The following UNC13C variants were observed in gnomAD, a reference collection of about 807,000 sequenced individuals.
UNC13C encodes protein unc-13 homolog C.
A neutral mutation model predicts 245.4 loss-of-function variants in UNC13C; 174 were observed. That is an observed-to-expected ratio of 0.71 (90% CI 0.63 to 0.80). The LOEUF is 0.80. UNC13C is among the 30% of genes least tolerant of loss of function. UNC13C has a pLI of 0.00. For missense variants in UNC13C, 2,829 were observed against 2,602.9 expected (o/e 1.09, Z -1.89); for synonymous variants, 992 against 895.1 (o/e 1.11, Z -1.93).
At chr15:54,470,176 G>A (rs1892385458) in intron 19 of UNC13C, among the ~76,000 whole-genome samples, 1 of 151,452 alleles carries the variant, frequency 6.6e-6, no homozygotes, top group Non-Finnish European at 1.5e-5. Flanking sequence ...TTTAGTTGAG[G>A]ATTTTTGCCC....
chr15:54,335,290 A>T (rs778887538), intron 16 of UNC13C, among the ~76,000 whole-genome samples: 1 of 152,224 alleles, frequency 6.6e-6, no homozygotes, highest in South Asian at 2.1e-4. Flanking sequence ...TTCTATAGCT[A>T]CTACCCCAGT....
intron 4 of UNC13C, among the ~76,000 whole-genome samples, chr15:54,174,223 A>G (rs539503229): frequency 6.6e-6 from 1 of 152,314 alleles, no homozygotes; most frequent in East Asian, 1.9e-4. Flanking sequence ...CATTAAATAA[A>G]TAAAGAGGTA....
At chr15:53,849,321 A>G in the UNC13C span, among the ~76,000 whole-genome samples, 1 of 152,014 alleles carries the variant, frequency 6.6e-6, no homozygotes, top group East Asian at 1.9e-4. Context: ...AGCAATTTTT[A>G]TAATTACATT....
chr15:54,294,113 A>T, intron 11 of UNC13C, 49 bp downstream of exon 11: 2 of 1,441,516 alleles, frequency 1.4e-6, no homozygotes, highest in Non-Finnish European at 1.8e-6. Context: ...AAAACCCCTG[A>T]ATACCTGTGG....
chr15:54,382,150 G>A (rs2039739269), intron 17 of UNC13C, among the ~76,000 whole-genome samples: 2 of 152,228 alleles, frequency 1.3e-5, no homozygotes, highest in African/African-American at 4.8e-5. Context: ...ATGACCATTG[G>A]ATCAATAGGA....
At chr15:54,251,847 C>T (rs890742277) in intron 8 of UNC13C, among the ~76,000 whole-genome samples, 6 of 152,202 alleles carry the variant, frequency 3.9e-5, no homozygotes, top group South Asian at 2.1e-4. Flanking sequence ...GTTGTAGTCA[C>T]GATCACATAC....
At chr15:54,379,188 C>T (rs2039669267) in intron 17 of UNC13C, among the ~76,000 whole-genome samples, 1 of 151,918 alleles carries the variant, frequency 6.6e-6, no homozygotes, top group South Asian at 2.1e-4. Context: ...CCCTTAGTAA[C>T]TATTAATTTT....
chr15:54,474,740 C>A (rs948948794), intron 19 of UNC13C, among the ~76,000 whole-genome samples: 1 of 151,814 alleles, frequency 6.6e-6, no homozygotes, highest in African/African-American at 2.4e-5. Flanking sequence ...ATACCTGAGG[C>A]TGGGTAATTT....
intron 2 of UNC13C, chr15:54,048,560 A>G: frequency 2.1e-6 from 1 of 482,940 alleles, no homozygotes; most frequent in South Asian, 1.9e-5. Context: ...GACTTTTTAT[A>G]GAATTGATGT....
intron 2 of UNC13C, among the ~76,000 whole-genome samples, chr15:54,112,029 A>G (rs1900803501): frequency 2.0e-5 from 3 of 152,220 alleles, no homozygotes; most frequent in African/African-American, 7.2e-5. Flanking sequence ...ACTGTGTGAT[A>G]TAAAGCCTTC....
intron 18 of UNC13C, among the ~76,000 whole-genome samples, chr15:54,400,262 A>AT (rs1036904656): frequency 2.6e-5 from 4 of 151,692 alleles, no homozygotes; most frequent in Non-Finnish European, 5.9e-5. Flanking sequence ...TTTAAAGAAG[A>AT]TTTTTTTTAC....
At chr15:54,073,216 CT>C (rs1264163968) in intron 2 of UNC13C, among the ~76,000 whole-genome samples, 2 of 152,074 alleles carry the variant, frequency 1.3e-5, no homozygotes, top group Non-Finnish European at 2.9e-5. Context: ...TGAACCCATC[CT>C]TTTTTATGTC....
intron 2 of UNC13C, among the ~76,000 whole-genome samples, chr15:54,066,338 C>CT (rs574114581): frequency 2.2e-3 from 331 of 152,290 alleles, no homozygotes; most frequent in African/African-American, 7.7e-3. Flanking sequence ...TGAGTAATTT[C>CT]TCTGGTGAAC....
intron 2 of UNC13C, among the ~76,000 whole-genome samples, chr15:54,058,199 A>G (rs560838274): frequency 6.6e-6 from 1 of 152,170 alleles, no homozygotes; most frequent in Non-Finnish European, 1.5e-5. Flanking sequence ...GATCAACAAA[A>G]CTGATAGACA....
At position 54,087,403 on chromosome 15, in the gene UNC13C, C is replaced by A. The variant is rs577964067; in HGVS notation, c.2984-55615C>A. Among the ~76,000 whole-genome samples, 168 of 152,248 alleles carry A rather than the reference C, an allele frequency of 1.1e-3. 1 individual carries two copies. The highest frequency in any genetic ancestry group is 4.0e-3 in the African/African-American group (165 of 41,562). On this transcript the variant is annotated intron_variant, in intron 2 of 32. Coordinates refer to ENST00000260323, the MANE Select transcript of UNC13C (RefSeq NM_001080534.3). ...AGGACAGCTCTGCATTTTTGCAAAA[C>A]CTAACTACTGAGAAAGTTCTTTTCT... is the stretch of plus-strand genomic sequence containing the variant.
In UNC13C at chr15:54,244,269, G is replaced by T. The variant is rs7171810; in HGVS notation, c.3229-5956G>T. On this transcript the variant is annotated intron_variant, in intron 7 of 32. Coordinates refer to ENST00000260323, the MANE Select transcript of UNC13C (RefSeq NM_001080534.3). Reference sequence around the variant, plus strand: ...TCATTGCCTGTTTTTGTCAGGTTTTGTCAGATGGTTGAAGGTGCATGGTCT... The same window carrying T: ...TCATTGCCTGTTTTTGTCAGGTTTTTTCAGATGGTTGAAGGTGCATGGTCT... Among the ~76,000 whole-genome samples the T allele has an allele frequency of 8.9e-3, 1,347 of 151,630 alleles. 29 individuals are homozygous for T. Among genetic ancestry groups the T allele is most frequent in the African/African-American group, 0.031 (1,273 of 41,464 alleles).
intron 10 of UNC13C, among the ~76,000 whole-genome samples, chr15:54,285,741 T>C (rs1255634625): frequency 6.6e-6 from 1 of 152,090 alleles, no homozygotes; most frequent in Non-Finnish European, 1.5e-5. Context: ...ATATAAATAA[T>C]AAAATAACAT....
chr15:54,004,818 T>C (rs1320060102), intron 1 of UNC13C, among the ~76,000 whole-genome samples: 1 of 152,236 alleles, frequency 6.6e-6, no homozygotes, highest in Non-Finnish European at 1.5e-5. Context: ...TTGATAAATG[T>C]CTATTCAAGT....
In UNC13C at chr15:54,014,630, G is replaced by A. The variant is rs1403259222; in HGVS notation, c.1727G>A (p.Ser576Asn). The change falls in exon 2 of 33, where the codon AGC (serine) becomes AAC (asparagine). Residue 576 changes from serine (S) to asparagine (N), a missense_variant. Coordinates refer to ENST00000260323, the MANE Select transcript of UNC13C (RefSeq NM_001080534.3). ...CAGTTTTTCACTAGAACTAATGGAA[G>A]CTCTCTCCTGTCATCTTCGGACCGG... Reference protein sequence around the residue: ...ENQFFTRTNGSSLLSSSDREL... With the variant: ...ENQFFTRTNGNSLLSSSDREL... The A allele has an allele frequency of 6.2e-7, 1 of 1,613,694 alleles. No homozygotes were observed. The highest frequency in any genetic ancestry group is 8.5e-7 in the Non-Finnish European group (1 of 1,179,802).
Sources: gnomAD v4.1 joint callset for allele counts (sites outside exome capture counted in the v4.1 genomes callset) on GRCh38, gnomAD v4.1.1 for gene constraint, MANE v1.5 for transcripts, NCBI Gene and HGNC (gene_info 2026-07-23, HGNC 2026-07-21) for gene names.